Variants in TFR2 observed in about 807,000 individuals in gnomAD.
TFR2 encodes the protein transferrin receptor 2.
Under a neutral mutation model 91.9 loss-of-function variants are expected in TFR2, and 64 were observed. That is an observed-to-expected ratio of 0.70 (90% CI 0.57 to 0.86). The LOEUF (loss-of-function observed/expected upper bound fraction) is 0.86, where lower values mean the gene tolerates loss of function less well. Among genes scored for constraint, TFR2 ranks in the 40% least tolerant of loss-of-function variants. TFR2 has a pLI of 0.00. For synonymous variants in TFR2, 454 were observed against 459.6 expected (o/e 0.99, Z 0.15); for missense variants, 950 against 1,080.5 (o/e 0.88, Z 1.69).
chr7:100,629,164 G>A, intron 10 of TFR2, 89 bp downstream of exon 10: 3 of 1,550,304 alleles, frequency 1.9e-6, no homozygotes, highest in Non-Finnish European at 2.7e-6. Context: ...TGGCCAGTCT[G>A]TGTCCCTCAC....
intron 10 of TFR2, 37 bp from the exon 11 acceptor site, chr7:100,628,343 G>T (rs944189109): frequency 1.9e-6 from 3 of 1,602,278 alleles, no homozygotes; most frequent in Middle Eastern, 1.7e-4. Context: ...GCTTAGCAGG[G>T]GCCAAGCAAA....
At chr7:100,622,728 G>A (rs960822785) in intron 17 of TFR2, among the ~76,000 whole-genome samples, 3 of 152,060 alleles carry the variant, frequency 2.0e-5, no homozygotes, top group East Asian at 1.9e-4. Flanking sequence ...AGGCTGAGGC[G>A]GGTGGATCAT....
Position 100,631,961 on chromosome 7 carries a change from T to C in TFR2, c.967-16A>G, listed in dbSNP as rs1016386812. ...CCAGGTGCACCTGCAGGGAAAGGGG[T>C]GCCCACGCAAAGCTGCGAGCTGGGC... On this transcript the variant is annotated splice_polypyrimidine_tract_variant and intron_variant, in intron 7 of 17. Coordinates refer to ENST00000223051, the MANE Select transcript of TFR2 (RefSeq NM_003227.4). The C allele has an allele frequency of 6.2e-7, 1 of 1,613,736 alleles. No homozygotes were observed. Among genetic ancestry groups the C allele is most frequent in the African/African-American group, 1.3e-5 (1 of 74,842 alleles).
Position 100,620,953 on chromosome 7 carries a change from G to C in TFR2, c.2310C>G (p.Ser770Arg), listed in dbSNP as rs113950635. The C allele has an allele frequency of 7.4e-6, 12 of 1,613,746 alleles. No individual in the cohort carries two copies. The highest frequency in any genetic ancestry group is 5.3e-5 in the African/African-American group (4 of 75,068). ...GCAGGGCTAGCTGACGCCGGAAACGGCTCTCCTGGAAGCCAGTGGAGGAGG... is the reference window on the plus strand; with the variant it reads ...GCAGGGCTAGCTGACGCCGGAAACGCCTCTCCTGGAAGCCAGTGGAGGAGG... Reference protein sequence around the residue: ...GATSSTGFQESRFRRQLALLT... With the variant: ...GATSSTGFQERRFRRQLALLT... Residue 770 changes from serine to arginine, a missense_variant, in exon 18 of 18, where the codon AGC becomes AGG. Physicochemically the swap from Ser to Arg is moderately radical, Grantham distance 110. Coordinates refer to ENST00000223051, the MANE Select transcript of TFR2 (RefSeq NM_003227.4).
Position 100,626,784 on chromosome 7 carries a change from C to T in TFR2, c.2115G>A (p.Met705Ile). 6.5e-7 allele frequency: 1 copy of T among 1,547,366 alleles called. No individual in the cohort carries two copies. Among genetic ancestry groups the T allele is most frequent in the Non-Finnish European group, 8.7e-7 (1 of 1,146,882 alleles). The change falls in exon 17 of 18, where the codon ATG (methionine) becomes ATA (isoleucine). Residue 705 changes from methionine (M) to isoleucine (I), a missense_variant. Transcript: ENST00000223051. ...TCACCCGCATTATGCGCACGTTGTACATGCGTGTCAGTCGCTCGTCTCTCT... is the reference window on the plus strand; with the variant it reads ...TCACCCGCATTATGCGCACGTTGTATATGCGTGTCAGTCGCTCGTCTCTCT... ...SEERDERLTR[M>I]YNVRIMRVEF...
Position 100,629,354 on chromosome 7 carries a change from C to G in TFR2, c.1289G>C (p.Gly430Ala), listed in dbSNP as rs754922209. 1.4e-5 allele frequency: 22 copies of G among 1,613,928 alleles called. No homozygotes were observed. The highest frequency in any genetic ancestry group is 1.9e-5 in the Non-Finnish European group (22 of 1,179,928). Residue 430 changes from glycine (G) to alanine (A), a missense_variant, in exon 10 of 18, where the codon GGG becomes GCG. Transcript: ENST00000223051. ...TGGGCCCCATGCATCCCTCTGGGCC[C>G]CGATGACAACGTAGTGATCTGGGGA... ...RSEPDHYVVI[G>A]AQRDAWGPGA... is the part of the protein sequence containing the mutation.
intron 17 of TFR2, among the ~76,000 whole-genome samples, chr7:100,624,073 A>G (rs1462112347): frequency 6.6e-6 from 1 of 151,854 alleles, no homozygotes; most frequent in Non-Finnish European, 1.5e-5. Context: ...AAGAAAGAAA[A>G]ATAAATAAAA....
Position 100,633,396 on chromosome 7 carries a change from C to G in TFR2, c.614+20G>C. 1 of 1,605,958 alleles carries G rather than the reference C, an allele frequency of 6.2e-7. No homozygotes were observed. The highest frequency in any genetic ancestry group is 8.5e-7 in the Non-Finnish European group (1 of 1,175,964). On this transcript the variant is annotated intron_variant, in intron 4 of 17. Transcript: ENST00000223051. ...CCGCGTCCCCCTCCCCGCGCGCCCC[C>G]CGCCCGCGCGCGCACTCACGGATCC... is the stretch of plus-strand genomic sequence containing the variant.
At position 100,641,027 on chromosome 7, in the gene TFR2, G is replaced by C. The variant is rs760573012; in HGVS notation, c.235C>G (p.Arg79Gly). The change falls in exon 2 of 18, where the codon CGG becomes GGG. Residue 79 changes from arginine to glycine, a missense_variant. Transcript: ENST00000223051. ...AGGACCAGGTAGGGGGCAGCCCTCC[G>C]TCCTGCTGCCGCCCAGGGAATGAGG... ...PNLIPWAAAG[R>G]RAAPYLVLTA... 1 of 1,602,282 alleles carries C rather than the reference G, an allele frequency of 6.2e-7. No homozygotes were observed. The highest frequency in any genetic ancestry group is 8.5e-7 in the Non-Finnish European group (1 of 1,173,350).
chr7:100,641,552 T>C lies in TFR2; in HGVS notation c.-43A>G, dbSNP rs1803701733. 1 of 1,610,090 alleles carries C rather than the reference T, an allele frequency of 6.2e-7. No individual in the cohort carries two copies. The highest frequency in any genetic ancestry group is 1.1e-5 in the South Asian group (1 of 90,164). The stretch of plus-strand genomic sequence containing the variant: ...AAGCCTGCAGGCTGTCCCCCAGCGA[T>C]AAACCGATAAACCGTTTGTGGGAGC... On this transcript the variant is annotated 5_prime_UTR_variant, in exon 1 of 18. Transcript: ENST00000223051.
chr7:100,640,418 A>G (rs995746485), intron 3 of TFR2: 3 of 531,902 alleles, frequency 5.6e-6, no homozygotes, highest in African/African-American at 3.8e-5. Flanking sequence ...CCAGTCTGAT[A>G]CTGGATGCTG....
intron 17 of TFR2, among the ~76,000 whole-genome samples, chr7:100,624,645 C>T (rs993265785): frequency 5.9e-5 from 9 of 152,116 alleles, no homozygotes; most frequent in Non-Finnish European, 8.8e-5. Context: ...GTGGGAGAGT[C>T]GCTTGAGCCC....
At chr7:100,624,025 C>T (rs1803188920) in intron 17 of TFR2, among the ~76,000 whole-genome samples, 1 of 151,956 alleles carries the variant, frequency 6.6e-6, no homozygotes, top group South Asian at 2.1e-4. Context: ...CACTGCACTC[C>T]AGTCTGGGTG....
In TFR2 at chr7:100,633,421, C is replaced by G. The variant is rs1803508613; in HGVS notation, c.609G>C (p.Pro203=). The part of the protein sequence containing the change: ...TDTHYVGLQF[P]DPAHPNTLHW... ...CCGCCCGCGCGCGCACTCACGGATC[C>G]GGGAATTGCAGCCCCACGTAGTGCG... is the stretch of plus-strand genomic sequence containing the variant. Residue 203 remains proline, a synonymous_variant, in exon 4 of 18, where the codon CCG becomes CCC. Coordinates refer to ENST00000223051, the MANE Select transcript of TFR2 (RefSeq NM_003227.4). 1 of 1,610,374 alleles carries G rather than the reference C, an allele frequency of 6.2e-7. No individual in the cohort carries two copies. Among genetic ancestry groups the G allele is most frequent in the Admixed American group, 1.7e-5 (1 of 59,674 alleles).
rs1284037145 is a variant in TFR2 at position 100,641,065 on chromosome 7, G to C, written c.197C>G (p.Pro66Arg). The change falls in exon 2 of 18, where the codon CCC (proline) becomes CGC (arginine). Residue 66 changes from proline to arginine, a missense_variant. Physicochemically the swap from Pro to Arg is moderately radical, Grantham distance 103 (BLOSUM62 -2). Transcript: ENST00000223051. Reference sequence around the variant, plus strand: ...CCAGGGAATGAGGTTTGGCTGCCTGGGTCTAGAGCCCAGGGGCTCAGGGCC... The same window carrying C: ...CCAGGGAATGAGGTTTGGCTGCCTGCGTCTAGAGCCCAGGGGCTCAGGGCC... ...LRGPEPLGSR[P>R]RQPNLIPWAA... is the part of the protein sequence containing the mutation. 2 of 1,603,340 alleles carry C rather than the reference G, an allele frequency of 1.2e-6. No individual in the cohort carries two copies. The highest frequency in any genetic ancestry group is 1.7e-6 in the Non-Finnish European group (2 of 1,174,132).
chr7:100,638,878 G>T (rs1378533355), intron 3 of TFR2, among the ~76,000 whole-genome samples: 2 of 151,746 alleles, frequency 1.3e-5, no homozygotes, highest in East Asian at 3.9e-4. Context: ...TATCATCTCG[G>T]CACTGTCTGG....
In TFR2 at chr7:100,626,848, G is replaced by T; in HGVS notation, c.2051C>A (p.Ala684Glu). The change falls in exon 17 of 18, where the codon GCG becomes GAG. Residue 684 changes from alanine to glutamate, a missense_variant. By Grantham distance (107) the Ala-to-Glu change is moderately radical. Coordinates refer to ENST00000223051, the MANE Select transcript of TFR2 (RefSeq NM_003227.4). ...VYSARGDYIR[A>E]AEKLRQEIYS... ...GATCTCCTGCCGCAGCTTTTCCGCC[G>T]CCCGGATGTAGTCCCCCCGCGCCGA... The T allele has an allele frequency of 6.5e-7, 1 of 1,549,140 alleles. No individual in the cohort carries two copies.
chr7:100,629,742 C>CTTAT (rs1040281842), intron 9 of TFR2, among the ~76,000 whole-genome samples: 1 of 143,624 alleles, frequency 7.0e-6, no homozygotes, highest in Non-Finnish European at 1.5e-5. Context: ...TACTTACTTA[C>CTTAT]TTATTTATTT....
chr7:100,627,842 T>A, intron 13 of TFR2, 22 bp from the exon 14 acceptor site: 1 of 1,614,090 alleles, frequency 6.2e-7, no homozygotes, highest in Non-Finnish European at 8.5e-7. Context: ...GGAAGGGCAC[T>A]GATCAGGCTC....
Sources: gnomAD v4.1 joint callset for allele counts (sites outside exome capture counted in the v4.1 genomes callset) on GRCh38, gnomAD v4.1.1 for gene constraint, MANE v1.5 for transcripts, NCBI Gene and HGNC (gene_info 2026-07-23, HGNC 2026-07-21) for gene names.